Variants in MACROD2 observed in about 807,000 individuals in gnomAD.
MACROD2 encodes ADP-ribose glycohydrolase MACROD2.
MACROD2 carries 36 observed loss-of-function variants against 70.4 expected under a neutral mutation model. The ratio of observed to expected loss-of-function variants is 0.51; its 90% confidence interval spans 0.39 to 0.68. MACROD2 has a LOEUF of 0.68. Among genes scored for constraint, MACROD2 ranks in the 30% least tolerant of loss-of-function variants. The pLI is 0.00. For missense variants in MACROD2, 496 were observed against 538.4 expected (o/e 0.92, Z 0.78); for synonymous variants, 172 against 178.8 (o/e 0.96, Z 0.30).
In MACROD2 at chr20:15,133,905, C is replaced by CT. The variant is rs11467185; in HGVS notation, c.419-96013dup. 6.3e-3 allele frequency among the ~76,000 whole-genome samples: 699 copies of CT among 111,268 alleles called. 11 individuals are homozygous for CT. The highest frequency in any genetic ancestry group is 0.013 in the African/African-American group (372 of 28,086). The allele number at this position is 111,268 out of a possible 152,430, so 73.0% of individuals were successfully genotyped here. On this transcript the variant is annotated intron_variant, in intron 5 of 17. Transcript: ENST00000684519. ...AATTATATTAATACTTTTAAATAAT[C>CT]TTTTTTTTTTTTTTTTTTTTTTGAG...
chr20:15,504,318 G>A (rs2047399290), intron 8 of MACROD2, among the ~76,000 whole-genome samples: 1 of 152,138 alleles, frequency 6.6e-6, no homozygotes, highest in Admixed American at 6.6e-5. Flanking sequence ...ACACAGCACA[G>A]TGGCTCAAAC....
chr20:15,895,602 G>A (rs1391150998), intron 10 of MACROD2, among the ~76,000 whole-genome samples: 2 of 152,220 alleles, frequency 1.3e-5, no homozygotes, highest in African/African-American at 4.8e-5. Context: ...AAGAGACATG[G>A]GGTTTTCCTG....
chr20:15,834,558 A>T (rs1051449084), intron 8 of MACROD2, among the ~76,000 whole-genome samples: 1 of 152,028 alleles, frequency 6.6e-6, no homozygotes, highest in Admixed American at 6.6e-5. Flanking sequence ...CATTGCTTGC[A>T]TCTCATCATA....
At chr20:14,817,996 C>T (rs1431515799) in intron 5 of MACROD2, among the ~76,000 whole-genome samples, 2 of 152,188 alleles carry the variant, frequency 1.3e-5, no homozygotes, top group East Asian at 3.9e-4. Context: ...TCTAGGTGGG[C>T]CACCAAAAAC....
At chr20:15,656,401 GCTAT>G (rs1600719878) in intron 8 of MACROD2, among the ~76,000 whole-genome samples, 1 of 152,156 alleles carries the variant, frequency 6.6e-6, no homozygotes, top group Non-Finnish European at 1.5e-5. Context: ...AATAGGAATG[GCTAT>G]CTTTCTTGCA....
At chr20:15,821,765 G>T (rs574710109) in intron 8 of MACROD2, among the ~76,000 whole-genome samples, 1 of 152,300 alleles carries the variant, frequency 6.6e-6, no homozygotes, top group Admixed American at 6.5e-5. Flanking sequence ...GTAACAGGAG[G>T]ATGTGCATAG....
intron 13 of MACROD2, among the ~76,000 whole-genome samples, chr20:15,984,204 A>C (rs1273064844): frequency 6.6e-6 from 1 of 152,140 alleles, no homozygotes; most frequent in Non-Finnish European, 1.5e-5. Context: ...TCCAGTTCAC[A>C]GAAAAACTGG....
intron 8 of MACROD2, among the ~76,000 whole-genome samples, chr20:15,572,476 G>A (rs886362604): frequency 2.0e-5 from 3 of 152,052 alleles, no homozygotes; most frequent in Non-Finnish European, 4.4e-5. Context: ...CTTCAGTGAA[G>A]TTCATTGTAA....
chr20:15,047,293 T>C (rs1422972690), intron 5 of MACROD2, among the ~76,000 whole-genome samples: 1 of 152,182 alleles, frequency 6.6e-6, no homozygotes, highest in African/African-American at 2.4e-5. Flanking sequence ...GGCGTTTCCT[T>C]CTGTTAATAT....
chr20:14,880,054 G>A (rs550392527), intron 5 of MACROD2, among the ~76,000 whole-genome samples: 1 of 152,162 alleles, frequency 6.6e-6, no homozygotes, highest in African/African-American at 2.4e-5. Flanking sequence ...TATACAAACT[G>A]TGTGTTGACT....
At chr20:14,357,830 A>G (rs1301433169) in intron 3 of MACROD2, among the ~76,000 whole-genome samples, 2 of 152,242 alleles carry the variant, frequency 1.3e-5, no homozygotes, top group East Asian at 1.9e-4. Context: ...ATTCATGCAA[A>G]TAAACTTGCA....
At chr20:15,249,316 C>G (rs190475891) in intron 6 of MACROD2, among the ~76,000 whole-genome samples, 2 of 152,206 alleles carry the variant, frequency 1.3e-5, no homozygotes, top group African/African-American at 4.8e-5. Flanking sequence ...GTCTTCTCTA[C>G]TCTCTCCCAG....
intron 6 of MACROD2, among the ~76,000 whole-genome samples, chr20:15,279,701 C>T (rs2077425959): frequency 6.6e-6 from 1 of 152,134 alleles, no homozygotes; most frequent in South Asian, 2.1e-4. Context: ...GTTCTATCTA[C>T]AAATAGTAAT....
intron 8 of MACROD2, among the ~76,000 whole-genome samples, chr20:15,689,992 C>T (rs907067738): frequency 1.3e-5 from 2 of 152,148 alleles, no homozygotes; most frequent in African/African-American, 2.4e-5. Context: ...AGAATCAGCT[C>T]GAGCTTAGCC....
At chr20:14,452,015 G>T (rs1479283191) in intron 3 of MACROD2, among the ~76,000 whole-genome samples, 1 of 152,032 alleles carries the variant, frequency 6.6e-6, no homozygotes, top group Non-Finnish European at 1.5e-5. Flanking sequence ...CCTCTTGAAG[G>T]TGACACTGCT....
chr20:14,790,621 GT>G (rs2072439328), intron 5 of MACROD2, among the ~76,000 whole-genome samples: 1 of 152,058 alleles, frequency 6.6e-6, no homozygotes, highest in Admixed American at 6.5e-5. Flanking sequence ...AATTGTATGT[GT>G]TTTGTGTGCT....
intron 3 of MACROD2, among the ~76,000 whole-genome samples, chr20:14,357,431 C>G (rs1252981003): frequency 6.6e-6 from 1 of 151,872 alleles, no homozygotes; most frequent in Non-Finnish European, 1.5e-5. Context: ...ACTTTTTTTG[C>G]AATGTATCTA....
At chr20:15,764,201 T>A (rs1390371645) in intron 8 of MACROD2, among the ~76,000 whole-genome samples, 1 of 152,216 alleles carries the variant, frequency 6.6e-6, no homozygotes, top group African/African-American at 2.4e-5. Context: ...TGATATGACC[T>A]AGTGTTTATG....
intron 5 of MACROD2, among the ~76,000 whole-genome samples, chr20:14,989,102 A>G (rs1300409463): frequency 6.6e-6 from 1 of 152,186 alleles, no homozygotes; most frequent in Non-Finnish European, 1.5e-5. Flanking sequence ...TTTTTTTTAA[A>G]AAGTATGTTA....
Sources: gnomAD v4.1 joint callset for allele counts (sites outside exome capture counted in the v4.1 genomes callset) on GRCh38, gnomAD v4.1.1 for gene constraint, MANE v1.5 for transcripts, NCBI Gene and HGNC (gene_info 2026-07-23, HGNC 2026-07-21) for gene names.